Variants in CCDC33 observed in about 807,000 individuals in gnomAD.
The protein encoded by CCDC33 is coiled-coil domain containing 33.
A neutral mutation model predicts 91.9 loss-of-function variants in CCDC33; 94 were observed. That is an observed-to-expected ratio of 1.02 (90% CI 0.87 to 1.21). The LOEUF is 1.21. Ranked by LOEUF, CCDC33 falls within the 50% of genes most tolerant of loss-of-function variation. The pLI, the probability that CCDC33 is intolerant of heterozygous loss-of-function variation, is 0.00. For missense variants in CCDC33, 940 were observed against 935.5 expected (o/e 1.00, Z -0.06); for synonymous variants, 396 against 374.5 (o/e 1.06, Z -0.66).
At chr15:74,215,616 G>A (rs2074421263), upstream of CCDC33, among the ~76,000 whole-genome samples, 1 of 152,128 alleles carries the variant, frequency 6.6e-6, no homozygotes, top group South Asian at 2.1e-4. Context: ...GGAGAGGGGA[G>A]GCAAGAAATA....
At chr15:74,213,355 A>G (rs921534538), upstream of CCDC33, 1 of 152,322 alleles carries the variant, frequency 6.6e-6, no homozygotes, top group African/African-American at 2.4e-5. Flanking sequence ...AGAAATCCAG[A>G]GAGACAGGCC....
In CCDC33 at chr15:74,262,447, A is replaced by G. The variant is rs2076051754; in HGVS notation, c.193A>G (p.Thr65Ala). 3 of 1,614,010 alleles carry G rather than the reference A, an allele frequency of 1.9e-6. No homozygotes were observed. The highest frequency in any genetic ancestry group is 2.5e-6 in the Non-Finnish European group (3 of 1,179,954). The change falls in exon 3 of 19, where the codon ACA (threonine) becomes GCA (alanine). Residue 65 changes from threonine to alanine, a missense_variant. Physicochemically the swap from Thr to Ala is moderately conservative, Grantham distance 58. Transcript: ENST00000398814. The stretch of plus-strand genomic sequence containing the variant: ...TGCCCCTGCTCTCCCCAGGAAAAGC[A>G]CATCTGAGGAAAAGAACAATCAGAG... The part of the protein sequence containing the change: ...EPWPYVVVKS[T>A]SEEKNNQSSK...
At chr15:74,253,713 C>G (rs2075778673) in intron 2 of CCDC33, among the ~76,000 whole-genome samples, 1 of 152,152 alleles carries the variant, frequency 6.6e-6, no homozygotes, top group African/African-American at 2.4e-5. Flanking sequence ...TTATGCAAAT[C>G]CTGTAGTTCC....
At chr15:74,217,360 T>A in exon 1 of CCDC33, 1 of 1,290,072 alleles carries the variant, frequency 7.8e-7, no homozygotes, top group Non-Finnish European at 1.0e-6. Flanking sequence ...GATCTGGAGT[T>A]CGAAGTTTTG....
intron 11 of CCDC33, chr15:74,302,708 C>T (rs1320179772): frequency 6.6e-6 from 1 of 152,346 alleles, no homozygotes; most frequent in Admixed American, 6.5e-5. Flanking sequence ...GGATGGGGGC[C>T]ACCCTACATG....
In CCDC33 at chr15:74,309,579, C is replaced by T. The variant is rs112538898; in HGVS notation, c.1290+13631C>T. Among the ~76,000 whole-genome samples, 788 of 152,300 alleles carry T rather than the reference C, an allele frequency of 5.2e-3. 14 individuals are homozygous for T. The highest frequency in any genetic ancestry group is 0.018 in the African/African-American group (757 of 41,568). ...TGTGAAAACCTCACAGTGCCTGGAG[C>T]GGCTTCTGTGAGCCATGAAGAGCTT... On this transcript the variant is annotated intron_variant, in intron 11 of 18. Coordinates refer to ENST00000398814, the MANE Select transcript of CCDC33 (RefSeq NM_025055.5).
At chr15:74,253,556 C>T (rs1206272467) in intron 2 of CCDC33, among the ~76,000 whole-genome samples, 1 of 152,178 alleles carries the variant, frequency 6.6e-6, no homozygotes, top group African/African-American at 2.4e-5. Context: ...CTGAGGCTCC[C>T]CCTATCCATC....
intron 2 of CCDC33, among the ~76,000 whole-genome samples, chr15:74,257,798 C>T (rs2075912840): frequency 6.6e-6 from 1 of 152,246 alleles, no homozygotes; most frequent in South Asian, 2.1e-4. Flanking sequence ...ATGACTGTCT[C>T]TGCAGAAGCC....
chr15:74,262,613 G>T (rs1300440205), intron 3 of CCDC33, 40 bp downstream of exon 3: 1 of 1,590,508 alleles, frequency 6.3e-7, no homozygotes, highest in Non-Finnish European at 8.6e-7. Context: ...TGCAGGCAGG[G>T]TGTGAACACA....
At chr15:74,280,147 A>G (rs2076554770) in intron 8 of CCDC33, 55 bp downstream of exon 8, 4 of 1,603,610 alleles carry the variant, frequency 2.5e-6, no homozygotes, top group Middle Eastern at 3.3e-4. Flanking sequence ...GATCTGTATT[A>G]TGAAAGGGTG....
chr15:74,245,698 G>A (rs1308231865), intron 2 of CCDC33, among the ~76,000 whole-genome samples: 1 of 151,942 alleles, frequency 6.6e-6, no homozygotes, highest in African/African-American at 2.4e-5. Context: ...TCGGAGAGCC[G>A]GGCACACCCC....
At chr15:74,313,119 G>A (rs1260272221) in intron 11 of CCDC33, among the ~76,000 whole-genome samples, 2 of 152,184 alleles carry the variant, frequency 1.3e-5, no homozygotes, top group Non-Finnish European at 2.9e-5. Context: ...GAAGCCACTT[G>A]GAAGTCTCTG....
At chr15:74,314,866 C>A (rs754483418) in intron 11 of CCDC33, among the ~76,000 whole-genome samples, 16 of 152,202 alleles carry the variant, frequency 1.1e-4, no homozygotes, top group Non-Finnish European at 2.2e-4. Flanking sequence ...GGGCACAGAA[C>A]CCCAGGTGCC....
intron 11 of CCDC33, chr15:74,318,657 C>T (rs1276266738): frequency 2.6e-6 from 2 of 769,944 alleles, no homozygotes; most frequent in Non-Finnish European, 4.8e-6. Context: ...GACAGCTTCT[C>T]TGTAAGTCGC....
At chr15:74,293,498 G>A (rs61118798) in intron 10 of CCDC33, among the ~76,000 whole-genome samples, 3 of 152,242 alleles carry the variant, frequency 2.0e-5, no homozygotes, top group East Asian at 1.9e-4. Context: ...CAGCTGTTCC[G>A]AGAAAGAGAC....
At chr15:74,252,772 G>T (rs939974316) in intron 2 of CCDC33, among the ~76,000 whole-genome samples, 2 of 152,166 alleles carry the variant, frequency 1.3e-5, no homozygotes, top group African/African-American at 4.8e-5. Context: ...GGGAACCAGG[G>T]TCTTCATCTA....
At chr15:74,314,082 G>A (rs1057367708) in intron 11 of CCDC33, among the ~76,000 whole-genome samples, 2 of 152,164 alleles carry the variant, frequency 1.3e-5, no homozygotes, top group Non-Finnish European at 2.9e-5. Flanking sequence ...TGTATCACCT[G>A]ACAAACTCCT....
At chr15:74,234,022 T>A (rs1212687639), upstream of CCDC33, among the ~76,000 whole-genome samples, 1 of 152,166 alleles carries the variant, frequency 6.6e-6, no homozygotes, top group Non-Finnish European at 1.5e-5. Context: ...CCTCACAGGC[T>A]GCTTCCTCAG....
chr15:74,237,121 GC>G lies in CCDC33; in HGVS notation c.21+386del, dbSNP rs568250341. 3.3e-3 allele frequency among the ~76,000 whole-genome samples: 507 copies of G among 152,290 alleles called. 2 individuals are homozygous for G. The highest frequency in any genetic ancestry group is 0.011 in the African/African-American group (475 of 41,548). On this transcript the variant is annotated intron_variant, in intron 1 of 18. Transcript: ENST00000398814. Reference sequence around the variant, plus strand: ...GCTTGGCAGCCCTGATGCCCCCATTGCCCCCATGCTCTCCAATCCCTGGCCC... The same window carrying G: ...GCTTGGCAGCCCTGATGCCCCCATTGCCCCATGCTCTCCAATCCCTGGCCC...
Sources: allele counts gnomAD v4.1 joint callset (sites outside exome capture counted in the v4.1 genomes callset), GRCh38; gene constraint gnomAD v4.1.1; transcripts MANE v1.5; gene names NCBI Gene and HGNC (gene_info 2026-07-23, HGNC 2026-07-21).